FHOD3: variants seen among roughly 807,000 people sequenced by gnomAD.
The protein encoded by FHOD3 is formin homology 2 domain containing 3.
FHOD3 carries 90 observed loss-of-function variants against 173.0 expected under a neutral mutation model. That is an observed-to-expected ratio of 0.52 (90% confidence interval 0.44 to 0.62). The LOEUF is 0.62. FHOD3 is among the 20% of genes least tolerant of loss of function. The probability of loss-of-function intolerance (pLI) is 0.00; values close to 1 mark genes in which losing one functional copy is unlikely to be tolerated. For missense variants in FHOD3, 1,945 were observed against 2,034.7 expected, an observed-to-expected ratio of 0.96 and a Z score of 0.85; for synonymous variants, 828 against 823.0, an observed-to-expected ratio of 1.01 and a Z score of -0.10.
intron 3 of FHOD3, among the ~76,000 whole-genome samples, chr18:36,420,330 T>C (rs2049923485): frequency 6.6e-6 from 1 of 152,208 alleles, no homozygotes; most frequent in African/African-American, 2.4e-5. Context: ...CTTGGAGTCA[T>C]AAACCAGCTG....
At chr18:36,320,581 T>C (rs1043170423) in intron 1 of FHOD3, among the ~76,000 whole-genome samples, 1 of 152,234 alleles carries the variant, frequency 6.6e-6, no homozygotes, top group Non-Finnish European at 1.5e-5. Context: ...TCATTCCTTC[T>C]GAAACTATTC....
At chr18:36,708,887 T>TAG (rs1240861706) in intron 17 of FHOD3, among the ~76,000 whole-genome samples, 1 of 152,134 alleles carries the variant, frequency 6.6e-6, no homozygotes, top group Non-Finnish European at 1.5e-5. Context: ...TATCGTAAGG[T>TAG]CACTGACTAG....
At chr18:36,479,664 A>C (rs1183896600) in intron 3 of FHOD3, among the ~76,000 whole-genome samples, 3 of 152,194 alleles carry the variant, frequency 2.0e-5, no homozygotes, top group Non-Finnish European at 2.9e-5. Flanking sequence ...CATTATTCTT[A>C]GACATATATT....
intron 1 of FHOD3, among the ~76,000 whole-genome samples, chr18:36,310,851 G>A (rs1443090040): frequency 1.3e-5 from 2 of 152,088 alleles, no homozygotes; most frequent in Non-Finnish European, 2.9e-5. Context: ...TAGGATATGG[G>A]AGTCAGGATC....
At chr18:36,643,825 T>G (rs985225329) in intron 10 of FHOD3, among the ~76,000 whole-genome samples, 1 of 152,224 alleles carries the variant, frequency 6.6e-6, no homozygotes, top group Admixed American at 6.5e-5. Flanking sequence ...GTCTGTTAGA[T>G]ATATTGCAAA....
At chr18:36,615,198 A>G (rs2033087492) in intron 9 of FHOD3, among the ~76,000 whole-genome samples, 1 of 152,124 alleles carries the variant, frequency 6.6e-6, no homozygotes, top group South Asian at 2.1e-4. Flanking sequence ...TATTCTGGAT[A>G]CTAGACCCTT....
intron 3 of FHOD3, among the ~76,000 whole-genome samples, chr18:36,445,945 C>A: frequency 6.6e-6 from 1 of 152,214 alleles, no homozygotes; most frequent in Admixed American, 6.5e-5. Context: ...TGATCCTACT[C>A]CAGGATTCTC....
intron 1 of FHOD3, among the ~76,000 whole-genome samples, chr18:36,352,308 A>G (rs972340567): frequency 6.6e-5 from 10 of 152,218 alleles, no homozygotes; most frequent in Admixed American, 2.6e-4. Flanking sequence ...AGAATTATAG[A>G]AACTCACAAT....
intron 9 of FHOD3, among the ~76,000 whole-genome samples, chr18:36,613,537 A>G (rs1432165599): frequency 6.6e-6 from 1 of 152,172 alleles, no homozygotes; most frequent in Non-Finnish European, 1.5e-5. Context: ...CAACCAGGAA[A>G]GTGAATTCCT....
chr18:36,699,555 A>G (rs2149559203), intron 17 of FHOD3, among the ~76,000 whole-genome samples: 1 of 152,374 alleles, frequency 6.6e-6, no homozygotes, highest in African/African-American at 2.4e-5. Flanking sequence ...TGGGGAAATT[A>G]GCAAAGGAGA....
chr18:36,736,631 T>C (rs183431016), intron 20 of FHOD3, among the ~76,000 whole-genome samples: 2 of 152,310 alleles, frequency 1.3e-5, no homozygotes, highest in Non-Finnish European at 2.9e-5. Context: ...GCTGCCTCTC[T>C]CTGACATCAA....
At chr18:36,687,936 C>T (rs1443316887) in intron 16 of FHOD3, among the ~76,000 whole-genome samples, 1 of 152,012 alleles carries the variant, frequency 6.6e-6, no homozygotes, top group East Asian at 1.9e-4. Context: ...GTAAGAAAAA[C>T]ATATATGAGA....
chr18:36,767,047 C>T (rs919913903), intron 27 of FHOD3, among the ~76,000 whole-genome samples: 2 of 152,132 alleles, frequency 1.3e-5, no homozygotes, highest in African/African-American at 4.8e-5. Context: ...AGTCTAAAAG[C>T]TGTGGCATTA....
chr18:36,743,007 G>T, intron 22 of FHOD3, 151 bp downstream of exon 22: 4 of 1,256,448 alleles, frequency 3.2e-6, no homozygotes, highest in Non-Finnish European at 4.4e-6. Context: ...GAAGGAATTT[G>T]TTCTTAAGAT....
intron 1 of FHOD3, among the ~76,000 whole-genome samples, chr18:36,346,260 G>T (rs543082680): frequency 1.6e-4 from 24 of 152,224 alleles, no homozygotes; most frequent in Admixed American, 1.1e-3. Flanking sequence ...CAGCTACTTG[G>T]GGGGCTGAGG....
At chr18:36,327,364 T>C (rs747559765) in intron 1 of FHOD3, among the ~76,000 whole-genome samples, 4 of 152,244 alleles carry the variant, frequency 2.6e-5, no homozygotes, top group Non-Finnish European at 5.9e-5. Flanking sequence ...GCTTATTGTA[T>C]AGGTATTAGC....
chr18:36,474,527 C>T (rs1314869417), intron 3 of FHOD3, among the ~76,000 whole-genome samples: 1 of 152,084 alleles, frequency 6.6e-6, no homozygotes, highest in Non-Finnish European at 1.5e-5. Flanking sequence ...AGAGCTGTTT[C>T]CCTGCAGCTG....
At chr18:36,429,476 C>G (rs2050417758) in intron 3 of FHOD3, among the ~76,000 whole-genome samples, 1 of 152,102 alleles carries the variant, frequency 6.6e-6, no homozygotes, top group Admixed American at 6.5e-5. Context: ...GCTAGTATGT[C>G]AAGGAGGAGC....
At chr18:36,643,415 T>C (rs1354560965) in intron 10 of FHOD3, among the ~76,000 whole-genome samples, 4 of 152,116 alleles carry the variant, frequency 2.6e-5, no homozygotes, top group Non-Finnish European at 4.4e-5. Context: ...TGTCTCCAGA[T>C]GCTGACAAAT....
Sources: gnomAD v4.1 joint callset for allele counts (sites outside exome capture counted in the v4.1 genomes callset) on GRCh38, gnomAD v4.1.1 for gene constraint, MANE v1.5 for transcripts, NCBI Gene and HGNC (gene_info 2026-07-23, HGNC 2026-07-21) for gene names.